The following PON1 variants were observed in gnomAD, a reference collection of about 807,000 sequenced individuals.
PON1 encodes the protein paraoxonase 1, also known as serum paraoxonase/arylesterase 1.
Under a neutral mutation model 39.2 loss-of-function variants are expected in PON1, and 37 were observed. The observed-to-expected ratio is 0.94, with a 90% CI of 0.73 to 1.24. The LOEUF (loss-of-function observed/expected upper bound fraction) is 1.24, where lower values mean the gene tolerates loss of function less well. Among genes scored for constraint, PON1 ranks in the 50% most tolerant of loss-of-function variants. PON1 has a pLI of 0.00. For synonymous variants in PON1, 148 were observed against 152.2 expected, an observed-to-expected ratio of 0.97 and a Z score of 0.21; for missense variants, 397 against 413.5, an observed-to-expected ratio of 0.96 and a Z score of 0.35.
intron 4 of PON1, among the ~76,000 whole-genome samples, chr7:95,312,180 T>C (rs1376649652): frequency 1.3e-5 from 2 of 152,096 alleles, no homozygotes; most frequent in Non-Finnish European, 2.9e-5. Flanking sequence ...ATGATCAAAT[T>C]GGCGTTTTTG....
intron 1 of PON1, among the ~76,000 whole-genome samples, chr7:95,323,689 G>C (rs942438574): frequency 3.3e-5 from 5 of 152,124 alleles, no homozygotes; most frequent in African/African-American, 1.2e-4. Context: ...ACTTTAAAGG[G>C]AAGCAGGGAA....
intron 2 of PON1, among the ~76,000 whole-genome samples, chr7:95,317,182 A>G (rs1398647010): frequency 6.6e-6 from 1 of 152,186 alleles, no homozygotes; most frequent in Admixed American, 6.5e-5. Context: ...CTTCCAAATC[A>G]ATTAAACCCT....
At chr7:95,308,319 G>A in intron 5 of PON1, 108 bp from the exon 6 acceptor site, 2 of 1,025,448 alleles carry the variant, frequency 2.0e-6, no homozygotes, top group Non-Finnish European at 3.0e-6. Flanking sequence ...GATGTGGGAT[G>A]GAGCCTTCGT....
intron 4 of PON1, among the ~76,000 whole-genome samples, 187 bp from the exon 5 acceptor site, chr7:95,311,764 A>G (rs1807660528): frequency 6.6e-6 from 1 of 152,226 alleles, no homozygotes; most frequent in Admixed American, 6.5e-5. Context: ...GGCTCAAGGA[A>G]GAACCAGTGA....
At chr7:95,304,152 C>T (rs1328322221) in intron 7 of PON1, among the ~76,000 whole-genome samples, 1 of 152,090 alleles carries the variant, frequency 6.6e-6, no homozygotes, top group Non-Finnish European at 1.5e-5. Flanking sequence ...TTCTCTCCCC[C>T]AAGTTCCTAG....
chr7:95,314,650 C>T (rs1295222643), intron 4 of PON1, among the ~76,000 whole-genome samples: 2 of 152,124 alleles, frequency 1.3e-5, no homozygotes, highest in African/African-American at 4.8e-5. Flanking sequence ...AGGCCTCCCT[C>T]AGACTAACGG....
At chr7:95,310,552 C>T (rs1352464285) in intron 5 of PON1, among the ~76,000 whole-genome samples, 1 of 152,170 alleles carries the variant, frequency 6.6e-6, no homozygotes, top group Non-Finnish European at 1.5e-5. Context: ...AGTTGATTGG[C>T]CTTCATCCAG....
rs1424099375 is a variant in PON1 at position 95,303,544 on chromosome 7, G to A, written c.781-1211C>T. 4.6e-5 allele frequency among the ~76,000 whole-genome samples: 7 copies of A among 152,294 alleles called. No individual in the cohort carries two copies. In the South Asian group the frequency reaches 1.0e-3, roughly 23 times the overall value. ...AGAGTGGGAGTGGGAGAAGGACACA[G>A]AAACCTGGGGTCCCATTCATTCAAG... is the stretch of plus-strand genomic sequence containing the variant. On this transcript the variant is annotated intron_variant, in intron 7 of 8. Coordinates refer to ENST00000222381, the MANE Select transcript of PON1 (RefSeq NM_000446.7).
At chr7:95,308,673 T>G (rs143675864) in intron 5 of PON1, among the ~76,000 whole-genome samples, 2 of 152,178 alleles carry the variant, frequency 1.3e-5, no homozygotes, top group Non-Finnish European at 2.9e-5. Flanking sequence ...GATACTTGCA[T>G]TTTAGTTTAA....
intron 7 of PON1, among the ~76,000 whole-genome samples, chr7:95,305,955 G>T (rs761676309): frequency 6.6e-6 from 1 of 152,128 alleles, no homozygotes; most frequent in Non-Finnish European, 1.5e-5. Flanking sequence ...GGAGGAGAGG[G>T]AAGGAAGGTG....
At chr7:95,299,173 C>A in intron 8 of PON1, 71 bp from the exon 9 acceptor site, 1 of 1,424,410 alleles carries the variant, frequency 7.0e-7, no homozygotes, top group South Asian at 1.1e-5. Context: ...ATAATAGGGT[C>A]ATCCTCCATA....
intron 8 of PON1, among the ~76,000 whole-genome samples, chr7:95,300,109 A>G (rs1807388873): frequency 6.6e-6 from 1 of 152,238 alleles, no homozygotes; most frequent in African/African-American, 2.4e-5. Context: ...TTGAGGAGAA[A>G]TGTGATTGTA....
chr7:95,303,253 G>A (rs571876201), intron 7 of PON1, among the ~76,000 whole-genome samples: 3 of 152,174 alleles, frequency 2.0e-5, no homozygotes, highest in African/African-American at 4.8e-5. Flanking sequence ...GCCCAAGGAG[G>A]GATTAGAGGG....
chr7:95,320,034 T>C (rs1028835670), intron 1 of PON1, among the ~76,000 whole-genome samples: 2 of 152,232 alleles, frequency 1.3e-5, no homozygotes, highest in Non-Finnish European at 2.9e-5. Flanking sequence ...ATTTGTAGCA[T>C]GCCCTCAAGG....
At chr7:95,318,549 A>G in intron 1 of PON1, 156 bp from the exon 2 acceptor site, 1 of 660,212 alleles carries the variant, frequency 1.5e-6, no homozygotes, top group South Asian at 1.7e-5. Flanking sequence ...AGGCCAGGGC[A>G]AGACAAGTGG....
At chr7:95,301,821 C>T (rs1236017752) in intron 8 of PON1, among the ~76,000 whole-genome samples, 3 of 151,808 alleles carry the variant, frequency 2.0e-5, no homozygotes, top group East Asian at 1.9e-4. Flanking sequence ...GGCACGGTGG[C>T]TCACGCCTGT....
At chr7:95,301,250 G>T (rs1303255408) in intron 8 of PON1, among the ~76,000 whole-genome samples, 1 of 152,124 alleles carries the variant, frequency 6.6e-6, no homozygotes, top group Non-Finnish European at 1.5e-5. Context: ...GACAAAAAAT[G>T]GGACCTTTGA....
rs754456047 is a variant in PON1 at position 95,318,377 on chromosome 7, G to A, written c.91C>T (p.Leu31Phe). 5 of 1,608,892 alleles carry A rather than the reference G, an allele frequency of 3.1e-6. No homozygotes were observed. Among genetic ancestry groups the A allele is most frequent in the Non-Finnish European group, 4.3e-6 (5 of 1,175,322 alleles). Residue 31 changes from leucine (L) to phenylalanine (F), a missense_variant, in exon 2 of 9, where the codon CTC (leucine) becomes TTC (phenylalanine). By Grantham distance (22) the Leu-to-Phe change is conservative. Transcript: ENST00000222381. Reference sequence around the variant, plus strand: ...AGTTCTACGGGTTGTACCTCTCGGAGAGCATTAAGTCGTGTTCTGTGGGGG... The same window carrying A: ...AGTTCTACGGGTTGTACCTCTCGGAAAGCATTAAGTCGTGTTCTGTGGGGG... ...QSSYQTRLNA[L>F]REVQPVELPN...
intron 5 of PON1, 152 bp from the exon 6 acceptor site, chr7:95,308,363 T>A: frequency 1.4e-6 from 1 of 734,808 alleles, no homozygotes; most frequent in Non-Finnish European, 2.3e-6. Flanking sequence ...AATATGAAAT[T>A]AGTCCTGCCG....
Sources: allele counts gnomAD v4.1 joint callset (sites outside exome capture counted in the v4.1 genomes callset), GRCh38; gene constraint gnomAD v4.1.1; transcripts MANE v1.5; gene names NCBI Gene and HGNC (gene_info 2026-07-23, HGNC 2026-07-21).